Variants in CCDC158 observed in about 807,000 individuals in gnomAD.
The protein encoded by CCDC158 is coiled-coil domain containing 158.
Under a neutral mutation model 138.6 loss-of-function variants are expected in CCDC158, and 116 were observed. The ratio of observed to expected loss-of-function variants is 0.84; its 90% confidence interval spans 0.72 to 0.98. The LOEUF (loss-of-function observed/expected upper bound fraction) is 0.98. CCDC158 is among the 50% of genes least tolerant of loss of function. CCDC158 has a pLI of 0.00. For synonymous variants in CCDC158, 436 were observed against 442.4 expected, an observed-to-expected ratio of 0.99 and a Z score of 0.18; for missense variants, 1,265 against 1,306.1, an observed-to-expected ratio of 0.97 and a Z score of 0.48.
intron 8 of CCDC158, among the ~76,000 whole-genome samples, chr4:76,380,832 C>G (rs561930728): frequency 3.3e-4 from 51 of 152,346 alleles, no homozygotes; most frequent in African/African-American, 1.1e-3. Flanking sequence ...CCAGGGCCCT[C>G]TCTATCGCTC....
At position 76,346,906 on chromosome 4, in the gene CCDC158, G is replaced by A. The variant is rs796644944; in HGVS notation, c.2664+4090C>T. Among the ~76,000 whole-genome samples, 13 of 152,242 alleles carry A rather than the reference G, an allele frequency of 8.5e-5. 1 individual carries two copies. The highest frequency in any genetic ancestry group is 2.9e-4 in the African/African-American group (12 of 41,546). On this transcript the variant is annotated intron_variant, in intron 18 of 24. Coordinates refer to ENST00000682701, the MANE Select transcript of CCDC158 (RefSeq NM_001394954.1). The stretch of plus-strand genomic sequence containing the variant: ...ACACTTCTCAGAAGAAGATATTTAT[G>A]AGGCCAACCAACATGAAAAAAAGCT...
chr4:76,418,202 T>C (rs995524602), intron 1 of CCDC158, among the ~76,000 whole-genome samples: 1 of 152,094 alleles, frequency 6.6e-6, no homozygotes, highest in African/African-American at 2.4e-5. Context: ...ATTGGAGCAG[T>C]CCAACAAAGG....
intron 24 of CCDC158, among the ~76,000 whole-genome samples, chr4:76,315,350 A>AGGG (rs1201769069): frequency 1.3e-5 from 2 of 152,116 alleles, no homozygotes; most frequent in African/African-American, 4.8e-5. Context: ...TGATCACAAA[A>AGGG]CACACAAACT....
At chr4:76,361,785 T>G (rs1724172853) in intron 13 of CCDC158, among the ~76,000 whole-genome samples, 2 of 152,200 alleles carry the variant, frequency 1.3e-5, no homozygotes, top group African/African-American at 4.8e-5. Flanking sequence ...GTTTTCCACT[T>G]TCATAAACAC....
intron 2 of CCDC158, among the ~76,000 whole-genome samples, chr4:76,410,925 C>A (rs1729243249): frequency 6.6e-6 from 1 of 152,182 alleles, no homozygotes; most frequent in Non-Finnish European, 1.5e-5. Flanking sequence ...CTCTCTATGA[C>A]TATACGAGGG....
intron 4 of CCDC158, among the ~76,000 whole-genome samples, chr4:76,389,382 G>A (rs1727106117): frequency 6.6e-6 from 1 of 151,874 alleles, no homozygotes; most frequent in African/African-American, 2.4e-5. Context: ...AAGAATTAGT[G>A]AGAAGACAGG....
intron 4 of CCDC158, 116 bp from the exon 5 acceptor site, chr4:76,384,781 C>G (rs1293225027): frequency 1.5e-6 from 1 of 678,852 alleles, no homozygotes; most frequent in Admixed American, 2.9e-5. Flanking sequence ...ACTTCCTTCC[C>G]TCACTGCTGC....
In CCDC158 at chr4:76,362,276, C is replaced by T. The variant is rs1333528738; in HGVS notation, c.1870G>A (p.Glu624Lys). 5 of 1,613,968 alleles carry T rather than the reference C, an allele frequency of 3.1e-6. No individual in the cohort carries two copies. The Admixed American group carries it at 8.3e-5, about 27-fold the overall frequency. ...DKKDAKIREL[E>K]ARVSDLELEK... Reference sequence around the variant, plus strand: ...AGCTCCAAGTCACTCACTCTGGCCTCAAGCTCCCGGATCTTTGCATCTTTT... The same window carrying T: ...AGCTCCAAGTCACTCACTCTGGCCTTAAGCTCCCGGATCTTTGCATCTTTT... The change falls in exon 13 of 25, where the codon GAG becomes AAG. Residue 624 changes from glutamate to lysine, a missense_variant. Transcript: ENST00000682701.
intron 18 of CCDC158, among the ~76,000 whole-genome samples, chr4:76,334,824 A>C (rs1721324473): frequency 6.6e-6 from 1 of 152,198 alleles, no homozygotes. Flanking sequence ...ATTCTAGCTG[A>C]AGGAGTCCAT....
chr4:76,409,744 T>C (rs536658616), intron 2 of CCDC158, among the ~76,000 whole-genome samples: 104 of 152,208 alleles, frequency 6.8e-4, no homozygotes, highest in African/African-American at 2.2e-3. Context: ...GGCAGGAGAA[T>C]GGCGTGAACC....
intron 1 of CCDC158, among the ~76,000 whole-genome samples, chr4:76,417,549 G>C (rs1729793105): frequency 6.6e-6 from 1 of 152,160 alleles, no homozygotes; most frequent in Non-Finnish European, 1.5e-5. Context: ...TGTGTCATGG[G>C]AGCGACCCAG....
chr4:76,380,332 G>C (rs1448058793), intron 8 of CCDC158, among the ~76,000 whole-genome samples: 2 of 152,144 alleles, frequency 1.3e-5, no homozygotes, highest in African/African-American at 2.4e-5. Context: ...AAAGAGTCCA[G>C]GCTGAGGTGG....
intron 18 of CCDC158, among the ~76,000 whole-genome samples, chr4:76,336,615 C>T (rs1038702051): frequency 1.8e-4 from 28 of 152,184 alleles, no homozygotes; most frequent in Admixed American, 6.5e-5. Flanking sequence ...AGCTTCCCTC[C>T]ATACCCATAC....
At chr4:76,373,941 G>A (rs1725481024) in intron 9 of CCDC158, among the ~76,000 whole-genome samples, 1 of 151,768 alleles carries the variant, frequency 6.6e-6, no homozygotes. Context: ...ATCACTTGAG[G>A]CCAGGAGTTC....
chr4:76,342,129 G>A (rs1173140207), intron 18 of CCDC158, among the ~76,000 whole-genome samples: 2 of 151,904 alleles, frequency 1.3e-5, no homozygotes, highest in Non-Finnish European at 1.5e-5. Flanking sequence ...CTGCAACCTC[G>A]TACTCATGGA....
intron 23 of CCDC158, among the ~76,000 whole-genome samples, chr4:76,323,639 A>G (rs1720255158): frequency 6.6e-6 from 1 of 152,236 alleles, no homozygotes; most frequent in African/African-American, 2.4e-5. Context: ...ATTGTGCTCA[A>G]ACCAATCCGA....
At chr4:76,395,319 A>T (rs1412216030) in intron 4 of CCDC158, among the ~76,000 whole-genome samples, 1 of 152,212 alleles carries the variant, frequency 6.6e-6, no homozygotes, top group Non-Finnish European at 1.5e-5. Context: ...ACTGGGGTAC[A>T]TAATTTTCAA....
At chr4:76,368,262 A>G (rs1338146771) in intron 11 of CCDC158, among the ~76,000 whole-genome samples, 1 of 151,988 alleles carries the variant, frequency 6.6e-6, no homozygotes. Context: ...GGCGGAATTT[A>G]CAATAACTAC....
intron 21 of CCDC158, among the ~76,000 whole-genome samples, chr4:76,329,576 T>C (rs1720842070): frequency 6.6e-6 from 1 of 152,170 alleles, no homozygotes; most frequent in African/African-American, 2.4e-5. Context: ...AGGGAGAGAC[T>C]CTGTCTCAAA....
Sources: gnomAD v4.1 joint callset for allele counts (sites outside exome capture counted in the v4.1 genomes callset) on GRCh38, gnomAD v4.1.1 for gene constraint, MANE v1.5 for transcripts, NCBI Gene and HGNC (gene_info 2026-07-23, HGNC 2026-07-21) for gene names.